Variants in ARFGEF1 observed in about 807,000 individuals in gnomAD.
ARFGEF1 encodes ARF guanine nucleotide exchange factor 1.
In ARFGEF1, 42 loss-of-function variants were observed where a neutral mutation model predicts 231.0. The observed-to-expected ratio is 0.18, with a 90% CI of 0.14 to 0.24. The LOEUF is 0.24. Ranked by LOEUF, ARFGEF1 falls within the 10% of genes least tolerant of loss-of-function variation. ARFGEF1 has a pLI of 1.00. For synonymous variants in ARFGEF1, 710 were observed against 732.3 expected, an observed-to-expected ratio of 0.97 and a Z score of 0.49; for missense variants, 1,345 against 2,192.0, an observed-to-expected ratio of 0.61 and a Z score of 7.72.
chr8:67,294,174 T>C (rs1459882601), intron 5 of ARFGEF1, among the ~76,000 whole-genome samples: 2 of 152,178 alleles, frequency 1.3e-5, no homozygotes, highest in East Asian at 3.8e-4. Flanking sequence ...ATACAGAGGA[T>C]GTGTGTAGCT....
At chr8:67,263,408 C>G (rs1316782918) in intron 14 of ARFGEF1, among the ~76,000 whole-genome samples, 1 of 152,224 alleles carries the variant, frequency 6.6e-6, no homozygotes, top group African/African-American at 2.4e-5. Flanking sequence ...GATGATGCTA[C>G]TCCTCTGCTT....
intron 20 of ARFGEF1, 140 bp from the exon 21 acceptor site, chr8:67,239,033 G>T: frequency 1.5e-6 from 1 of 656,932 alleles, no homozygotes; most frequent in South Asian, 3.7e-5. Context: ...TTGAGACAGA[G>T]TCTCACCCTG....
In ARFGEF1 at chr8:67,224,970, C is replaced by T; in HGVS notation, c.4141G>A (p.Gly1381Arg). ...AACTCAAAGAGAATTGGGAACCATC[C>T]TCTCACCCACACCCTGTCTTCAGGT... ...VAPEDRVWVR[G>R]WFPILFELSC... Residue 1381 changes from glycine (G) to arginine (R), a missense_variant, in exon 29 of 39, where the codon GGA becomes AGA. Physicochemically the swap from Gly to Arg is moderately radical, Grantham distance 125. Coordinates refer to ENST00000262215, the MANE Select transcript of ARFGEF1 (RefSeq NM_006421.5). 1 of 1,606,986 alleles carries T rather than the reference C, an allele frequency of 6.2e-7. No individual in the cohort carries two copies. The highest frequency in any genetic ancestry group is 8.5e-7 in the Non-Finnish European group (1 of 1,176,494).
intron 19 of ARFGEF1, among the ~76,000 whole-genome samples, chr8:67,247,425 G>T (rs1231345347): frequency 6.6e-6 from 1 of 150,544 alleles, no homozygotes; most frequent in Admixed American, 6.6e-5. Context: ...GGGATGCAAG[G>T]ATGGTTCAAC....
intron 5 of ARFGEF1, among the ~76,000 whole-genome samples, chr8:67,181,190 C>T (rs772925840): frequency 1.7e-4 from 26 of 151,870 alleles, no homozygotes; most frequent in South Asian, 1.3e-3. Flanking sequence ...GCATGCACCA[C>T]GATACCTGGT....
intron 34 of ARFGEF1, chr8:67,206,968 A>G (rs1157750555): frequency 6.6e-6 from 1 of 152,180 alleles, no homozygotes; most frequent in Non-Finnish European, 1.5e-5. Flanking sequence ...AAAATAACTT[A>G]CTTTCATTTA....
chr8:67,180,840 G>T (rs1563769965), intron 5 of ARFGEF1, among the ~76,000 whole-genome samples: 1 of 151,744 alleles, frequency 6.6e-6, no homozygotes, highest in African/African-American at 2.4e-5. Context: ...GATAAGTAAA[G>T]GTACCATGGG....
intron 5 of ARFGEF1, chr8:67,190,499 TA>T: frequency 3.2e-6 from 2 of 622,160 alleles, no homozygotes; most frequent in Non-Finnish European, 2.9e-6. Context: ...GTAAATTTAC[TA>T]AAAAAATCAC....
intron 1 of ARFGEF1, among the ~76,000 whole-genome samples, chr8:67,307,776 T>C (rs1232607256): frequency 6.6e-6 from 1 of 152,184 alleles, no homozygotes; most frequent in Non-Finnish European, 1.5e-5. Flanking sequence ...ATACCACGTG[T>C]TCTTCTACAT....
chr8:67,176,675 C>A (rs1831722156), intron 5 of ARFGEF1, among the ~76,000 whole-genome samples: 1 of 152,078 alleles, frequency 6.6e-6, no homozygotes, highest in South Asian at 2.1e-4. Context: ...CACAAGTAGT[C>A]CCCATGTGGA....
At chr8:67,266,262 G>C in intron 13 of ARFGEF1, 55 bp from the exon 14 acceptor site, 2 of 1,438,444 alleles carry the variant, frequency 1.4e-6, no homozygotes, top group Non-Finnish European at 9.5e-7. Flanking sequence ...AAAAAAAAGT[G>C]TAAGGGCAAA....
At chr8:67,282,730 C>T (rs141641745) in intron 7 of ARFGEF1, among the ~76,000 whole-genome samples, 86 of 151,952 alleles carry the variant, frequency 5.7e-4, no homozygotes, top group African/African-American at 1.9e-3. Flanking sequence ...CACCTGTAAT[C>T]CCAGCTCCTC....
At chr8:67,315,552 T>C (rs1219361445) in intron 1 of ARFGEF1, among the ~76,000 whole-genome samples, 1 of 152,102 alleles carries the variant, frequency 6.6e-6, no homozygotes, top group African/African-American at 2.4e-5. Context: ...GTGTGTTCTT[T>C]TTTTCCGAGT....
intron 22 of ARFGEF1, among the ~76,000 whole-genome samples, chr8:67,236,508 C>G (rs1163130072): frequency 6.6e-6 from 1 of 150,904 alleles, no homozygotes; most frequent in East Asian, 2.0e-4. Context: ...AAAGCATCTG[C>G]TGTCTGACCT....
chr8:67,321,283 G>C (rs1186520407), intron 1 of ARFGEF1, among the ~76,000 whole-genome samples: 1 of 152,122 alleles, frequency 6.6e-6, no homozygotes, highest in Non-Finnish European at 1.5e-5. Flanking sequence ...CAAATTTACT[G>C]TATGTTAACG....
chr8:67,341,945 A>G (rs1214677892), intron 1 of ARFGEF1, among the ~76,000 whole-genome samples: 4 of 152,192 alleles, frequency 2.6e-5, no homozygotes, highest in Non-Finnish European at 4.4e-5. Flanking sequence ...TCATATTACC[A>G]ATTTTAACGA....
intron 1 of ARFGEF1, 76 bp downstream of exon 1, chr8:67,343,088 A>ACCCCCCCCCCCC: frequency 2.5e-6 from 1 of 399,152 alleles, no homozygotes; most frequent in Non-Finnish European, 4.8e-6. Flanking sequence ...GCCCCGGGCG[A>ACCCCCCCCCCCC]CCCCACCCCC....
rs761000007 is a variant in ARFGEF1 at position 67,337,022 on chromosome 8, G to A, written c.124+6142C>T. Among the ~76,000 whole-genome samples, 10 of 151,374 alleles carry A rather than the reference G, an allele frequency of 6.6e-5. No individual in the cohort carries two copies. The East Asian group carries it at 1.8e-3, about 27-fold the overall frequency. On this transcript the variant is annotated intron_variant, in intron 1 of 38. Transcript: ENST00000262215. ...TAGCGCTACACGAGATTAGCTACTCGAGAGGCTGAGGCAGGAGAATGGCGT... is the reference window on the plus strand; with the variant it reads ...TAGCGCTACACGAGATTAGCTACTCAAGAGGCTGAGGCAGGAGAATGGCGT...
chr8:67,197,795 C>CA lies in ARFGEF1; in HGVS notation c.*1138dup. Reference sequence around the variant, plus strand: ...GAAAACTTTACATCTGTACCATATACATTTTGTCCATCTGAAAAAATTTTC... The same window carrying CA: ...GAAAACTTTACATCTGTACCATATACAATTTTGTCCATCTGAAAAAATTTTC... On this transcript the variant is annotated 3_prime_UTR_variant, in exon 39 of 39. Coordinates refer to ENST00000262215, the MANE Select transcript of ARFGEF1 (RefSeq NM_006421.5). The CA allele has an allele frequency of 2.0e-6, 2 of 985,786 alleles. No individual in the cohort carries two copies. The highest frequency in any genetic ancestry group is 4.7e-5 in the South Asian group (1 of 21,280). The allele number at this position is 985,786 out of a possible 1,614,324, so 61.1% of individuals were successfully genotyped here. A position where few individuals can be genotyped will look rare whatever the true frequency, so the allele number is the denominator to read the frequency against.
Sources: allele counts gnomAD v4.1 joint callset (sites outside exome capture counted in the v4.1 genomes callset), GRCh38; gene constraint gnomAD v4.1.1; transcripts MANE v1.5; gene names NCBI Gene and HGNC (gene_info 2026-07-23, HGNC 2026-07-21).